GAGE10: variants seen among roughly 807,000 people sequenced by gnomAD.
The protein encoded by GAGE10 is G antigen 10.
Under a neutral mutation model 11.5 loss-of-function variants are expected in GAGE10, and 9 were observed. That is an observed-to-expected ratio of 0.78 (90% CI 0.47 to 1.37). The LOEUF (loss-of-function observed/expected upper bound fraction) is 1.37. GAGE10 is among the 40% of genes most tolerant of loss of function. The pLI, the probability that GAGE10 is intolerant of heterozygous loss-of-function variation, is 0.00. For missense variants in GAGE10, 83 were observed against 92.9 expected, an observed-to-expected ratio of 0.89 and a Z score of 0.44; for synonymous variants, 23 against 29.7, an observed-to-expected ratio of 0.77 and a Z score of 0.73.
chrX:49,307,400 C>G (rs191461080), intron 3 of GAGE10, among the ~76,000 whole-genome samples: 1 of 111,413 alleles, frequency 9.0e-6, no homozygotes, highest in Non-Finnish European at 1.9e-5. Context: ...GGAAATTTAA[C>G]AATGAGAAAA....
chrX:49,306,265 T>A (rs782732847), intron 3 of GAGE10, among the ~76,000 whole-genome samples: 1 of 112,272 alleles, frequency 8.9e-6, no homozygotes, highest in South Asian at 3.7e-4. Flanking sequence ...GATGCACTGT[T>A]AAAAATTTCT....
At chrX:49,305,172 A>C (rs1176232144) in intron 2 of GAGE10, among the ~76,000 whole-genome samples, 1 of 111,448 alleles carries the variant, frequency 9.0e-6, no homozygotes, top group Non-Finnish European at 1.9e-5. Context: ...CAGATTGTAC[A>C]CATGTATTCC....
chrX:49,317,210 G>A lies in GAGE10; in HGVS notation c.250G>A (p.Gly84Arg), dbSNP rs1381063516. The A allele has an allele frequency of 8.3e-7, 1 of 1,205,367 alleles. No homozygotes were observed. Among genetic ancestry groups the A allele is most frequent in the Non-Finnish European group, 1.1e-6 (1 of 892,108 alleles). ...CCAGGAACAGGTTCACCCAAAGACT[G>A]GGTGTGAGTGTGGAGATGGTCCTGA... ...DSQEQVHPKT[G>R]CECGDGPDGQ... Residue 84 changes from glycine to arginine, a missense_variant, in exon 4 of 5, where the codon GGG becomes AGG. Transcript: ENST00000407599.
intron 3 of GAGE10, among the ~76,000 whole-genome samples, chrX:49,306,338 G>C (rs1300636370): frequency 1.8e-5 from 2 of 111,763 alleles, no homozygotes; most frequent in African/African-American, 6.5e-5. Flanking sequence ...TCTCAGTGTG[G>C]GACAGTATAT....
chrX:49,312,066 G>A (rs782682636), intron 3 of GAGE10, among the ~76,000 whole-genome samples: 1 of 112,313 alleles, frequency 8.9e-6, no homozygotes. Context: ...AATGATGGTG[G>A]GTTGCCTCAC....
At chrX:49,310,853 A>G (rs2147986841) in intron 3 of GAGE10, among the ~76,000 whole-genome samples, 1 of 111,768 alleles carries the variant, frequency 8.9e-6, no homozygotes, top group Non-Finnish European at 1.9e-5. Flanking sequence ...TTAGGGGACA[A>G]GAAGTGCAGC....
Position 49,307,397 on chromosome X carries a change from T to G in GAGE10, c.202+1873T>G, listed in dbSNP as rs142165453. On this transcript the variant is annotated intron_variant, in intron 3 of 4. Coordinates refer to ENST00000407599, the MANE Select transcript of GAGE10 (RefSeq NM_001098413.4). ...GCAGAAAAATCAAAATCAGGAAATT[T>G]AACAATGAGAAAATGCAGTCATTTA... Among the ~76,000 whole-genome samples, 576 of 111,903 alleles carry G rather than the reference T, an allele frequency of 5.1e-3. 5 individuals carry two copies. The highest frequency in any genetic ancestry group is 0.017 in the African/African-American group (537 of 30,876).
intron 2 of GAGE10, 26 bp downstream of exon 2, chrX:49,304,966 G>T (rs2066350329): frequency 8.5e-7 from 1 of 1,183,218 alleles, no homozygotes. Flanking sequence ...TTAATTCGTT[G>T]TTTTCTATTA....
At chrX:49,313,911 A>G (rs1274044773) in intron 3 of GAGE10, among the ~76,000 whole-genome samples, 1 of 111,729 alleles carries the variant, frequency 9.0e-6, no homozygotes, top group Non-Finnish European at 1.9e-5. Context: ...GGATCCTACA[A>G]GCTCTGCTCT....
intron 3 of GAGE10, among the ~76,000 whole-genome samples, 176 bp from the exon 4 acceptor site, chrX:49,316,987 T>A (rs1232582953): frequency 2.7e-5 from 3 of 111,361 alleles, no homozygotes; most frequent in Non-Finnish European, 5.7e-5. Flanking sequence ...GAACACCTTG[T>A]TTTCCTGTTT....
At chrX:49,308,520 C>T (rs1475925489) in intron 3 of GAGE10, among the ~76,000 whole-genome samples, 3 of 112,247 alleles carry the variant, frequency 2.7e-5, no homozygotes, top group Admixed American at 9.4e-5. Context: ...GGCAGGAAAG[C>T]CCATCCCATA....
intron 3 of GAGE10, among the ~76,000 whole-genome samples, chrX:49,307,908 T>C (rs1251463510): frequency 8.9e-6 from 1 of 112,490 alleles, no homozygotes; most frequent in Non-Finnish European, 1.9e-5. Context: ...TTTTTCCTTC[T>C]GTGGCTAGTG....
intron 3 of GAGE10, among the ~76,000 whole-genome samples, chrX:49,306,919 T>C (rs1381902255): frequency 2.7e-5 from 3 of 112,146 alleles, no homozygotes; most frequent in Non-Finnish European, 5.6e-5. Context: ...TAGTTGCTGG[T>C]AATGTTGCAA....
intron 3 of GAGE10, among the ~76,000 whole-genome samples, chrX:49,312,874 G>A (rs1162980235): frequency 8.9e-6 from 1 of 112,279 alleles, no homozygotes; most frequent in Admixed American, 9.4e-5. Context: ...CTCTGCCATC[G>A]CCCATGCTGT....
At chrX:49,307,275 T>C (rs1311842813) in intron 3 of GAGE10, among the ~76,000 whole-genome samples, 1 of 111,740 alleles carries the variant, frequency 8.9e-6, no homozygotes, top group Non-Finnish European at 1.9e-5. Flanking sequence ...TGCTGAATTG[T>C]TTCGATAAAT....
At chrX:49,303,880 G>A (rs1184047302) in intron 1 of GAGE10, 127 bp downstream of exon 1, 1 of 112,053 alleles carries the variant, frequency 8.9e-6, no homozygotes, top group Non-Finnish European at 1.9e-5. Context: ...GAAGGGCCTC[G>A]AGGCTTCTGA....
At chrX:49,310,754 G>GC (rs782521648) in intron 3 of GAGE10, among the ~76,000 whole-genome samples, 6,588 of 107,431 alleles carry the variant, frequency 0.061, 488 homozygotes, top group African/African-American at 0.2. Context: ...CACCCGATTA[G>GC]CCCCCCCCCA....
intron 3 of GAGE10, among the ~76,000 whole-genome samples, chrX:49,313,525 G>A (rs1263425308): frequency 1.8e-5 from 2 of 111,811 alleles, no homozygotes; most frequent in Non-Finnish European, 3.8e-5. Flanking sequence ...GGGAATGTAG[G>A]AGGTGCATAG....
intron 3 of GAGE10, among the ~76,000 whole-genome samples, chrX:49,308,442 G>A (rs2066364841): frequency 8.9e-6 from 1 of 111,956 alleles, no homozygotes; most frequent in South Asian, 3.7e-4. Flanking sequence ...GCTGCACAAC[G>A]GAACTGGAGA....
Sources: gnomAD v4.1 joint callset for allele counts (sites outside exome capture counted in the v4.1 genomes callset) on GRCh38, gnomAD v4.1.1 for gene constraint, MANE v1.5 for transcripts, NCBI Gene and HGNC (gene_info 2026-07-23, HGNC 2026-07-21) for gene names.